DZIP1L: variants seen among roughly 807,000 people sequenced by gnomAD.
DZIP1L encodes cilium assembly protein DZIP1L.
In DZIP1L, 90 loss-of-function variants were observed where a neutral mutation model predicts 88.7. The observed-to-expected ratio is 1.02, with a 90% CI of 0.86 to 1.21. DZIP1L has a LOEUF of 1.21. DZIP1L is among the 50% of genes most tolerant of loss of function. The probability of loss-of-function intolerance (pLI) is 0.00; values close to 1 mark genes in which losing one functional copy is unlikely to be tolerated. For synonymous variants in DZIP1L, 363 were observed against 372.1 expected, an observed-to-expected ratio of 0.98 and a Z score of 0.28; for missense variants, 932 against 955.8, an observed-to-expected ratio of 0.98 and a Z score of 0.33.
At chr3:138,086,284 A>G (rs1943934597) in intron 7 of DZIP1L, among the ~76,000 whole-genome samples, 1 of 151,900 alleles carries the variant, frequency 6.6e-6, no homozygotes. Context: ...AAAAAAAAGA[A>G]AATGCTTCAG....
At chr3:138,097,094 T>C (rs952680615) in intron 3 of DZIP1L, among the ~76,000 whole-genome samples, 7 of 151,670 alleles carry the variant, frequency 4.6e-5, no homozygotes, top group South Asian at 2.1e-4. Context: ...GGTACGGGGA[T>C]TGCTTGAGCC....
intron 8 of DZIP1L, 118 bp downstream of exon 8, chr3:138,083,995 C>T (rs1464871657): frequency 1.4e-6 from 2 of 1,418,214 alleles, no homozygotes; most frequent in Non-Finnish European, 1.9e-6. Context: ...TCTTCTCTCT[C>T]CTTAAGGAGC....
At chr3:138,077,388 T>G in intron 11 of DZIP1L, 111 bp downstream of exon 11, 37 of 1,512,250 alleles carry the variant, frequency 2.4e-5, no homozygotes, top group Non-Finnish European at 3.1e-5. Flanking sequence ...CTGCCACAAG[T>G]GAGATGAATG....
chr3:138,089,567 T>C (rs907923680), intron 5 of DZIP1L, among the ~76,000 whole-genome samples: 2 of 152,230 alleles, frequency 1.3e-5, no homozygotes, highest in East Asian at 1.9e-4. Flanking sequence ...ATAGTTTTCA[T>C]TGGCCTTCCT....
intron 1 of DZIP1L, chr3:138,108,238 C>G (rs577700551): frequency 1.0e-6 from 1 of 985,150 alleles, no homozygotes; most frequent in South Asian, 4.7e-5. Flanking sequence ...GCCTCAGAGA[C>G]GACTACTCAC....
intron 5 of DZIP1L, among the ~76,000 whole-genome samples, chr3:138,091,728 T>C (rs897443543): frequency 2.0e-5 from 3 of 149,672 alleles, no homozygotes; most frequent in African/African-American, 7.4e-5. Flanking sequence ...GAGAAAGAAA[T>C]AAAATAGCTT....
chr3:138,075,171 C>T (rs1943346055), intron 11 of DZIP1L, among the ~76,000 whole-genome samples: 1 of 152,046 alleles, frequency 6.6e-6, no homozygotes, highest in East Asian at 1.9e-4. Context: ...GCTACTAGAC[C>T]GAAGAAATGA....
At position 138,062,995 on chromosome 3, in the gene DZIP1L, G is replaced by A. The variant is rs376534363; in HGVS notation, c.2143-18C>T. ...TCAGAAAGCTGCAGGGGGTAAAGGG[G>A]AGAAGAAAATGCATTTTGATAAGGG... is the stretch of plus-strand genomic sequence containing the variant. On this transcript the variant is annotated intron_variant, in intron 15 of 15. Transcript: ENST00000327532. 2.5e-5 allele frequency: 40 copies of A among 1,612,364 alleles called. No individual in the cohort carries two copies. The African/African-American group carries it at 4.3e-4, about 17-fold the overall frequency.
chr3:138,083,229 G>A (rs1226474629), intron 8 of DZIP1L, among the ~76,000 whole-genome samples: 1 of 152,220 alleles, frequency 6.6e-6, no homozygotes, highest in East Asian at 1.9e-4. Flanking sequence ...GTGCAGAGCT[G>A]AGTGTTTTGG....
At chr3:138,090,771 A>G (rs1325858844) in intron 5 of DZIP1L, among the ~76,000 whole-genome samples, 1 of 152,218 alleles carries the variant, frequency 6.6e-6, no homozygotes, top group Non-Finnish European at 1.5e-5. Flanking sequence ...TTTCAAAAAC[A>G]AGATTCTCCT....
At chr3:138,097,715 G>C (rs1221200606) in intron 3 of DZIP1L, 48 bp downstream of exon 3, 1 of 1,542,900 alleles carries the variant, frequency 6.5e-7, no homozygotes, top group Non-Finnish European at 8.8e-7. Flanking sequence ...ACCAGCCCCA[G>C]CCCTTTCCAC....
chr3:138,077,526 C>T lies in DZIP1L; in HGVS notation c.1395G>A (p.Glu465=). The part of the protein sequence containing the change: ...FRPILEDTLE[E]KLESMGIRKD... Reference sequence around the variant, plus strand: ...TCCTTATCCCCATGCTTTCGAGCTTCTCTTCCAGGGTGTCCTCCAGGATTG... The same window carrying T: ...TCCTTATCCCCATGCTTTCGAGCTTTTCTTCCAGGGTGTCCTCCAGGATTG... Residue 465 remains glutamate (E), a synonymous_variant, in exon 11 of 16, where the codon GAG becomes GAA. Transcript: ENST00000327532. The T allele has an allele frequency of 6.2e-7, 1 of 1,614,256 alleles. No individual in the cohort carries two copies. Among genetic ancestry groups the T allele is most frequent in the African/African-American group, 1.3e-5 (1 of 75,072 alleles).
At position 138,071,642 on chromosome 3, in the gene DZIP1L, C is replaced by T; in HGVS notation, c.1615+1G>A. 6.2e-7 allele frequency: 1 copy of T among 1,611,486 alleles called. No individual in the cohort carries two copies. The highest frequency in any genetic ancestry group is 8.5e-7 in the Non-Finnish European group (1 of 1,178,498). ...CTGAGCAAGCCCTCTCCCCAGTGTA[C>T]CTGAAGGCTGCCCGTCTGGCTGGGA... On this transcript the variant is annotated splice_donor_variant, in intron 12 of 15. Transcript: ENST00000327532. LOFTEE classifies it high-confidence loss of function.
intron 1 of DZIP1L, among the ~76,000 whole-genome samples, chr3:138,106,208 G>A (rs1040035939): frequency 7.2e-6 from 1 of 138,262 alleles, no homozygotes; most frequent in African/African-American, 2.8e-5. Context: ...GCGCGATCTC[G>A]GCTTACTGCA....
intron 8 of DZIP1L, among the ~76,000 whole-genome samples, chr3:138,083,789 G>A (rs140227339): frequency 3.3e-5 from 5 of 152,316 alleles, no homozygotes; most frequent in African/African-American, 1.2e-4. Flanking sequence ...GGAGAAGGGG[G>A]ATGCCTACCT....
intron 14 of DZIP1L, 100 bp from the exon 15 acceptor site, chr3:138,064,867 T>C: frequency 6.7e-7 from 1 of 1,490,820 alleles, no homozygotes; most frequent in Admixed American, 2.3e-5. Context: ...ATAGAGGGAA[T>C]GAGCAGAAGG....
Position 138,077,637 on chromosome 3 carries a change from A to G in DZIP1L, c.1289-5T>C. ...CATCCTGGGAGTCCTCCATCTCTGT[A>G]GCATGAGACATTCACCCAGATCAGC... is the stretch of plus-strand genomic sequence containing the variant. On this transcript the variant is annotated splice_polypyrimidine_tract_variant and splice_region_variant and intron_variant, in intron 10 of 15. Transcript: ENST00000327532. 6.2e-7 allele frequency: 1 copy of G among 1,613,972 alleles called. No individual in the cohort carries two copies. Among genetic ancestry groups the G allele is most frequent in the Non-Finnish European group, 8.5e-7 (1 of 1,179,960 alleles).
chr3:138,100,070 G>A (rs1944662169), intron 2 of DZIP1L, among the ~76,000 whole-genome samples: 2 of 150,356 alleles, frequency 1.3e-5, no homozygotes, highest in South Asian at 2.1e-4. Context: ...TTACGATTAA[G>A]ATGCCGGGCT....
intron 2 of DZIP1L, among the ~76,000 whole-genome samples, chr3:138,101,152 ACT>A (rs796446139): frequency 2.4e-4 from 36 of 149,896 alleles, no homozygotes; most frequent in African/African-American, 8.6e-4. Context: ...CCTTACATAC[ACT>A]CTCCATAAGT....
Sources: allele counts gnomAD v4.1 joint callset (sites outside exome capture counted in the v4.1 genomes callset), GRCh38; gene constraint gnomAD v4.1.1; transcripts MANE v1.5; gene names NCBI Gene and HGNC (gene_info 2026-07-23, HGNC 2026-07-21).